Variants in CYTH1 observed in about 807,000 individuals in gnomAD.
CYTH1 encodes the protein cytohesin-1.
Under a neutral mutation model 61.8 loss-of-function variants are expected in CYTH1, and 18 were observed. The ratio of observed to expected loss-of-function variants is 0.29; its 90% CI spans 0.20 to 0.43. The LOEUF is 0.43. Among genes scored for constraint, CYTH1 ranks in the 20% least tolerant of loss-of-function variants. The pLI, the probability that CYTH1 is intolerant of heterozygous loss-of-function variation, is 1.00. For synonymous variants in CYTH1, 174 were observed against 184.3 expected, an observed-to-expected ratio of 0.94 and a Z score of 0.45; for missense variants, 336 against 510.5, an observed-to-expected ratio of 0.66 and a Z score of 3.29.
intron 12 of CYTH1, 65 bp downstream of exon 12, chr17:78,680,906 T>C (rs548148233): frequency 5.8e-6 from 9 of 1,551,348 alleles, no homozygotes; most frequent in African/African-American, 5.5e-5. Flanking sequence ...TTGAGTTTTT[T>C]AAAAAAAATC....
chr17:78,704,151 T>TGGG (rs2144339052), intron 3 of CYTH1, among the ~76,000 whole-genome samples: 1 of 152,286 alleles, frequency 6.6e-6, no homozygotes, highest in African/African-American at 2.4e-5. Flanking sequence ...ACACGTCACC[T>TGGG]GGGGCCTCAA....
At chr17:78,684,592 T>C (rs538530863) in intron 11 of CYTH1, among the ~76,000 whole-genome samples, 1 of 152,232 alleles carries the variant, frequency 6.6e-6, no homozygotes, top group Non-Finnish European at 1.5e-5. Flanking sequence ...GAACTAAATA[T>C]TGTAGAAAAG....
chr17:78,781,580 T>G (rs2093517973), intron 1 of CYTH1, among the ~76,000 whole-genome samples: 1 of 151,734 alleles, frequency 6.6e-6, no homozygotes, highest in Non-Finnish European at 1.5e-5. Flanking sequence ...GGGCCCAGAC[T>G]CCCGCGGGCA....
At chr17:78,683,720 T>A (rs981002633) in intron 11 of CYTH1, among the ~76,000 whole-genome samples, 4 of 152,248 alleles carry the variant, frequency 2.6e-5, no homozygotes, top group African/African-American at 9.6e-5. Context: ...GCACTCAGAC[T>A]TCTGCCTGGG....
At position 78,698,829 on chromosome 17, in the gene CYTH1, C is replaced by T. The variant is rs750164978; in HGVS notation, c.690G>A (p.Glu230=). The change falls in exon 8 of 14, where the codon GAG becomes GAA. Residue 230 remains glutamate (E), a synonymous_variant. Transcript: ENST00000446868. ...GINDGGDLPE[E]LLRNLYESIK... ...ATTCTTCCTTGCTTACCCGGAGGAG[C>T]TCCTCCGGCAGGTCTCCCCCATCAT... 1 of 1,579,188 alleles carries T rather than the reference C, an allele frequency of 6.3e-7. No individual in the cohort carries two copies. Among genetic ancestry groups the T allele is most frequent in the African/African-American group, 1.4e-5 (1 of 72,290 alleles).
chr17:78,781,239 A>C (rs1295570178), intron 1 of CYTH1, among the ~76,000 whole-genome samples: 1 of 151,802 alleles, frequency 6.6e-6, no homozygotes, highest in African/African-American at 2.4e-5. Flanking sequence ...TTGGCCACAG[A>C]GTTCTGCTTT....
Position 78,710,324 on chromosome 17 carries a change from CTCTT to C in CYTH1, c.23-596_23-593del, listed in dbSNP as rs577337808. On this transcript the variant is annotated intron_variant, in intron 1 of 13. Transcript: ENST00000446868. Reference sequence around the variant, plus strand: ...CTGGGAACTGGGACTATGGGACTTTCTCTTTCTGCTTCATACCTTTCTTCATTGT... The same window carrying C: ...CTGGGAACTGGGACTATGGGACTTTCTCTGCTTCATACCTTTCTTCATTGT... Among the ~76,000 whole-genome samples the C allele has an allele frequency of 1.6e-3, 244 of 152,342 alleles. 2 individuals carry two copies. The highest frequency in any genetic ancestry group is 3.4e-4 in the Non-Finnish European group (23 of 68,034).
At chr17:78,678,364 G>A (rs1484880972) in intron 13 of CYTH1, 1 of 152,310 alleles carries the variant, frequency 6.6e-6, no homozygotes. Flanking sequence ...CGGCGCTCAC[G>A]CTGGGAGGCG....
At chr17:78,741,603 G>A (rs1035216750) in intron 1 of CYTH1, among the ~76,000 whole-genome samples, 3 of 152,138 alleles carry the variant, frequency 2.0e-5, no homozygotes, top group African/African-American at 7.2e-5. Flanking sequence ...TAGCAACAGG[G>A]GCAGCCCCCA....
chr17:78,681,123 C>T lies in CYTH1; in HGVS notation c.892-81G>A, dbSNP rs555262045. On this transcript the variant is annotated intron_variant, in intron 11 of 13. Coordinates refer to ENST00000446868, the MANE Select transcript of CYTH1 (RefSeq NM_004762.6). ...TCAGATTCCTCGCCGGTGACTCAGC[C>T]GAACTTTCCTGCTTTCTCCCAGGAC... 520 of 1,403,402 alleles carry T rather than the reference C, an allele frequency of 3.7e-4. 3 individuals are homozygous for T. Among genetic ancestry groups the T allele is most frequent in the Non-Finnish European group, 1.0e-4 (100 of 1,003,686 alleles). The allele number at this position is 1,403,402 out of a possible 1,614,324, so 86.9% of individuals were successfully genotyped here. A position where few individuals can be genotyped will look rare whatever the true frequency, so the allele number is the denominator to read the frequency against.
chr17:78,701,855 T>C (rs1443743375), intron 5 of CYTH1, 104 bp from the exon 6 acceptor site: 8 of 1,191,280 alleles, frequency 6.7e-6, no homozygotes, highest in Non-Finnish European at 8.7e-6. Flanking sequence ...TGTGGTCCTG[T>C]GGCTCCTGCC....
At chr17:78,750,105 G>GTTC (rs1206174234) in intron 1 of CYTH1, among the ~76,000 whole-genome samples, 2 of 152,166 alleles carry the variant, frequency 1.3e-5, no homozygotes, top group Non-Finnish European at 2.9e-5. Context: ...ATCAGCTACG[G>GTTC]GAAGCTCATG....
intron 1 of CYTH1, among the ~76,000 whole-genome samples, chr17:78,733,648 T>C (rs1249078092): frequency 2.6e-5 from 4 of 152,234 alleles, no homozygotes; most frequent in Non-Finnish European, 5.9e-5. Flanking sequence ...AGCGGCCAAG[T>C]GCAGCAAGTA....
intron 1 of CYTH1, among the ~76,000 whole-genome samples, chr17:78,773,508 T>C (rs1274606456): frequency 6.7e-6 from 1 of 149,758 alleles, no homozygotes; most frequent in Non-Finnish European, 1.5e-5. Flanking sequence ...CGTGCGCCTG[T>C]AATTCCGCTA....
intron 13 of CYTH1, chr17:78,677,766 C>A (rs1209586420): frequency 6.6e-6 from 1 of 152,310 alleles, no homozygotes. Context: ...TCTGGCAATA[C>A]TGGGGAGGAG....
chr17:78,700,930 G>A lies in CYTH1; in HGVS notation c.438-487C>T, dbSNP rs2093002332. 6.6e-6 allele frequency among the ~76,000 whole-genome samples: 1 copy of A among 152,124 alleles called. No homozygotes were observed. Among genetic ancestry groups the A allele is most frequent in the Admixed American group, 6.5e-5 (1 of 15,276 alleles). ...ATGCAAAGTTGCCATCCACACCACT[G>A]TTACCTTAATCAAAAGTAAAATTTT... is the stretch of plus-strand genomic sequence containing the variant. On this transcript the variant is annotated intron_variant, in intron 6 of 13. Coordinates refer to ENST00000446868, the MANE Select transcript of CYTH1 (RefSeq NM_004762.6). The surrounding 1 kb of genome is among the most constrained non-coding windows in gnomAD (Gnocchi z 5.1).
At chr17:78,703,973 G>A (rs915646993) in intron 3 of CYTH1, among the ~76,000 whole-genome samples, 3 of 152,182 alleles carry the variant, frequency 2.0e-5, no homozygotes, top group Admixed American at 6.5e-5. Flanking sequence ...GGGTCATACG[G>A]TACATCTGTA....
intron 1 of CYTH1, among the ~76,000 whole-genome samples, chr17:78,781,969 C>T (rs998926247): frequency 1.3e-5 from 2 of 151,168 alleles, no homozygotes; most frequent in African/African-American, 2.4e-5. Context: ...CCACCCACAT[C>T]CCTCAGCGCC....
chr17:78,775,552 C>T (rs899699130), intron 1 of CYTH1, among the ~76,000 whole-genome samples: 3 of 152,068 alleles, frequency 2.0e-5, no homozygotes, highest in Non-Finnish European at 4.4e-5. Context: ...GAAATTTGTT[C>T]TTTCTTGTTT....
Sources: gnomAD v4.1 joint callset for allele counts (sites outside exome capture counted in the v4.1 genomes callset) on GRCh38, gnomAD v4.1.1 for gene constraint, Gnocchi (gnomAD v3.1) non-coding constraint, MANE v1.5 for transcripts, NCBI Gene and HGNC (gene_info 2026-07-23, HGNC 2026-07-21) for gene names.